The following TMEM170A variants were observed in gnomAD, a reference collection of about 807,000 sequenced individuals.
TMEM170A encodes transmembrane protein 170.
TMEM170A carries 18 observed loss-of-function variants against 12.8 expected under a neutral mutation model. The ratio of observed to expected loss-of-function variants is 1.41; its 90% CI spans 0.97 to 2.09. The LOEUF (loss-of-function observed/expected upper bound fraction) is 2.09, where lower values mean the gene tolerates loss of function less well. Ranked by LOEUF, TMEM170A falls within the 30% of genes most tolerant of loss-of-function variation. The pLI is 0.00. For missense variants in TMEM170A, 220 were observed against 179.9 expected (o/e 1.22, Z -1.28); for synonymous variants, 107 against 76.2 (o/e 1.40, Z -2.11).
In TMEM170A at chr16:75,450,355, A is replaced by T. The variant is rs2079661012; in HGVS notation, c.304+1314T>A. Among the ~76,000 whole-genome samples, 3 of 152,278 alleles carry T rather than the reference A, an allele frequency of 2.0e-5. No homozygotes were observed. The South Asian group carries it at 6.2e-4, about 32-fold the overall frequency. ...TACCTAAAAAAAGAAATACACACCA[A>T]GATGTAAACTGTGGCTATTATTTAG... On this transcript the variant is annotated intron_variant, in intron 2 of 2. Coordinates refer to ENST00000561878, the MANE Select transcript of TMEM170A (RefSeq NM_145254.3).
chr16:75,447,768 C>A lies in TMEM170A; in HGVS notation c.305-80G>T, dbSNP rs2079613704. ...TCACGAAAATACAACATTTAAAATA[C>A]TACTGCGAGTAGAATGTTCCAGATT... On this transcript the variant is annotated intron_variant, in intron 2 of 2. Coordinates refer to ENST00000561878, the MANE Select transcript of TMEM170A (RefSeq NM_145254.3). The A allele has an allele frequency of 3.5e-6, 5 of 1,422,702 alleles. No homozygotes were observed. The South Asian group carries it at 6.8e-5, about 19-fold the overall frequency. The allele number at this position is 1,422,702 out of a possible 1,614,324, so 88.1% of individuals were successfully genotyped here.
At chr16:75,456,212 A>G (rs1052789773) in intron 1 of TMEM170A, among the ~76,000 whole-genome samples, 5 of 151,966 alleles carry the variant, frequency 3.3e-5, no homozygotes, top group Non-Finnish European at 7.4e-5. Context: ...ACTTCCAGTG[A>G]GAGTGCTCAG....
chr16:75,464,134 C>G, intron 1 of TMEM170A: 1 of 1,304,386 alleles, frequency 7.7e-7, no homozygotes. Flanking sequence ...CACAGCCTCC[C>G]GGGCTCGTGG....
At position 75,464,510 on chromosome 16, in the gene TMEM170A, C is replaced by T. The variant is rs754391279; in HGVS notation, c.91G>A (p.Gly31Arg). The T allele has an allele frequency of 5.4e-5, 86 of 1,585,044 alleles. No homozygotes were observed. Among genetic ancestry groups the T allele is most frequent in the East Asian group, 2.4e-5 (1 of 40,896 alleles). ...GAAGTAGAGTTGGGGCACAGGGTCCCGTTGCCCACCCGCGGCACAACCTTC... is the reference window on the plus strand; with the variant it reads ...GAAGTAGAGTTGGGGCACAGGGTCCTGTTGCCCACCCGCGGCACAACCTTC... ...SLKVVPRVGN[G>R]TLCPNSTSLC... Residue 31 changes from glycine (G) to arginine (R), a missense_variant, in exon 1 of 3, where the codon GGG (glycine) becomes AGG (arginine). Coordinates refer to ENST00000561878, the MANE Select transcript of TMEM170A (RefSeq NM_145254.3).
intron 2 of TMEM170A, among the ~76,000 whole-genome samples, chr16:75,449,052 C>T (rs898635254): frequency 2.0e-5 from 3 of 151,774 alleles, no homozygotes; most frequent in African/African-American, 4.8e-5. Flanking sequence ...CAGAACAAGA[C>T]CCTGTTCTCA....
At chr16:75,463,386 C>G (rs1038115752) in intron 1 of TMEM170A, among the ~76,000 whole-genome samples, 1 of 151,928 alleles carries the variant, frequency 6.6e-6, no homozygotes, top group African/African-American at 2.4e-5. Context: ...AAGCGAACAT[C>G]TGCATCTGAC....
At chr16:75,451,427 T>TA in intron 2 of TMEM170A, 1 of 598,018 alleles carries the variant, frequency 1.7e-6, no homozygotes, top group Non-Finnish European at 3.0e-6. Context: ...CACACCCCTG[T>TA]AGTCCAAGCT....
chr16:75,447,783 T>C, intron 2 of TMEM170A, 95 bp from the exon 3 acceptor site: 2 of 1,345,110 alleles, frequency 1.5e-6, no homozygotes, highest in Non-Finnish European at 2.0e-6. Flanking sequence ...GCGAGTAGAA[T>C]GTTCCAGATT....
chr16:75,455,961 G>T (rs2079785619), intron 1 of TMEM170A, among the ~76,000 whole-genome samples: 1 of 152,026 alleles, frequency 6.6e-6, no homozygotes, highest in South Asian at 2.1e-4. Context: ...AGCACTGTAA[G>T]CACACTGTTA....
intron 1 of TMEM170A, among the ~76,000 whole-genome samples, chr16:75,457,294 A>C (rs1010544648): frequency 9.2e-5 from 14 of 152,228 alleles, no homozygotes; most frequent in Admixed American, 5.2e-4. Context: ...AAACACACGA[A>C]GCTGGTAATT....
At chr16:75,464,340 C>G in intron 1 of TMEM170A, 128 bp downstream of exon 1, 1 of 1,374,190 alleles carries the variant, frequency 7.3e-7, no homozygotes, top group Non-Finnish European at 9.4e-7. Context: ...CACGGCCCCC[C>G]TCCCGGAGGA....
intron 2 of TMEM170A, among the ~76,000 whole-genome samples, chr16:75,449,467 A>T (rs1192875650): frequency 6.6e-6 from 1 of 151,794 alleles, no homozygotes; most frequent in East Asian, 1.9e-4. Context: ...GGCACACGCC[A>T]CCACACCTGG....
intron 1 of TMEM170A, 142 bp from the exon 2 acceptor site, chr16:75,451,981 T>C: frequency 2.6e-6 from 2 of 756,210 alleles, no homozygotes; most frequent in Non-Finnish European, 2.0e-6. Context: ...TTATTTTTAA[T>C]TTTTTTTTGA....
intron 1 of TMEM170A, among the ~76,000 whole-genome samples, chr16:75,458,035 G>A (rs755705333): frequency 6.6e-6 from 1 of 152,160 alleles, no homozygotes; most frequent in Non-Finnish European, 1.5e-5. Context: ...TTAATCTACT[G>A]CACCTTAATT....
chr16:75,459,576 G>C (rs2079864577), intron 1 of TMEM170A, among the ~76,000 whole-genome samples: 1 of 152,162 alleles, frequency 6.6e-6, no homozygotes, highest in Non-Finnish European at 1.5e-5. Context: ...TGTAGTCTTG[G>C]CAGGGCGTGG....
At chr16:75,461,177 C>A (rs11863614) in intron 1 of TMEM170A, among the ~76,000 whole-genome samples, 2,286 of 152,228 alleles carry the variant, frequency 0.015, 69 homozygotes, top group African/African-American at 0.052. Flanking sequence ...CCTCAGCCTC[C>A]CGAGTAGCTG....
At chr16:75,453,481 T>C (rs2079725668) in intron 1 of TMEM170A, among the ~76,000 whole-genome samples, 1 of 152,070 alleles carries the variant, frequency 6.6e-6, no homozygotes. Flanking sequence ...AATTCCCCCA[T>C]AAGAGGCACA....
At chr16:75,457,371 C>G (rs749707092) in intron 1 of TMEM170A, among the ~76,000 whole-genome samples, 7 of 152,196 alleles carry the variant, frequency 4.6e-5, no homozygotes, top group Non-Finnish European at 1.0e-4. Flanking sequence ...TGTGCCCCTA[C>G]TATTCCTGTG....
intron 1 of TMEM170A, among the ~76,000 whole-genome samples, chr16:75,459,159 G>A (rs949438810): frequency 6.6e-6 from 1 of 152,196 alleles, no homozygotes; most frequent in Non-Finnish European, 1.5e-5. Context: ...CTCCCAAAGT[G>A]CTGGGATTAC....
Sources: gnomAD v4.1 joint callset for allele counts (sites outside exome capture counted in the v4.1 genomes callset) on GRCh38, gnomAD v4.1.1 for gene constraint, MANE v1.5 for transcripts, NCBI Gene and HGNC (gene_info 2026-07-23, HGNC 2026-07-21) for gene names.